The following SRGAP1 variants were observed in gnomAD, a reference collection of about 807,000 sequenced individuals.
SRGAP1 encodes the protein SLIT-ROBO Rho GTPase activating protein 1, also known as SLIT-ROBO Rho GTPase-activating protein 1.
Under a neutral mutation model 121.9 loss-of-function variants are expected in SRGAP1, and 43 were observed. The ratio of observed to expected loss-of-function variants is 0.35; its 90% CI spans 0.28 to 0.46. The LOEUF (loss-of-function observed/expected upper bound fraction) is 0.46, where lower values mean the gene tolerates loss of function less well. Ranked by LOEUF, SRGAP1 falls within the 20% of genes least tolerant of loss-of-function variation. The pLI, the probability that SRGAP1 is intolerant of heterozygous loss-of-function variation, is 1.00. For missense variants in SRGAP1, 1,102 were observed against 1,350.9 expected (o/e 0.82, Z 2.89); for synonymous variants, 447 against 485.4 (o/e 0.92, Z 1.04).
chr12:64,127,767 C>T, intron 20 of SRGAP1, 43 bp downstream of exon 20: 7 of 1,608,360 alleles, frequency 4.4e-6, no homozygotes, highest in Non-Finnish European at 6.0e-6. Flanking sequence ...CTCCGCTCCT[C>T]CTGGGGCCAT....
intron 1 of SRGAP1, among the ~76,000 whole-genome samples, chr12:63,938,032 C>T (rs769077913): frequency 1.1e-4 from 16 of 152,190 alleles, no homozygotes; most frequent in Non-Finnish European, 2.1e-4. Context: ...GGCACACTGT[C>T]TGTGTGGACT....
intron 21 of SRGAP1, 42 bp downstream of exon 21, chr12:64,128,242 G>A: frequency 1.3e-6 from 2 of 1,519,878 alleles, no homozygotes; most frequent in Non-Finnish European, 1.8e-6. Flanking sequence ...AAGTACCTAA[G>A]TGTGATGTAG....
At chr12:64,015,644 C>A (rs1207354820) in intron 3 of SRGAP1, among the ~76,000 whole-genome samples, 2 of 152,162 alleles carry the variant, frequency 1.3e-5, no homozygotes, top group Non-Finnish European at 2.9e-5. Context: ...GACCCAATGA[C>A]CTCATGTTTA....
At chr12:64,139,700 A>G (rs553917196) in intron 21 of SRGAP1, among the ~76,000 whole-genome samples, 2,357 of 151,242 alleles carry the variant, frequency 0.016, 71 homozygotes, top group African/African-American at 0.054. Flanking sequence ...TTGCCTGTTC[A>G]CTCTGATGGT....
intron 20 of SRGAP1, 23 bp downstream of exon 20, chr12:64,127,747 G>C: frequency 1.2e-6 from 2 of 1,612,490 alleles, no homozygotes; most frequent in Non-Finnish European, 1.7e-6. Context: ...TGGGAATCAG[G>C]CCCCTAAGCC....
intron 6 of SRGAP1, among the ~76,000 whole-genome samples, chr12:64,050,702 C>G (rs1323243015): frequency 1.3e-5 from 2 of 151,928 alleles, no homozygotes; most frequent in African/African-American, 4.8e-5. Context: ...ATTTTTTAAT[C>G]CAGGCAAGTT....
intron 15 of SRGAP1, among the ~76,000 whole-genome samples, chr12:64,099,483 T>C (rs1426752851): frequency 1.3e-5 from 2 of 152,188 alleles, no homozygotes; most frequent in African/African-American, 4.8e-5. Context: ...ACGAGTTCTT[T>C]GTCTGGCATC....
At chr12:63,925,631 C>G (rs185946394) in intron 1 of SRGAP1, among the ~76,000 whole-genome samples, 4 of 152,044 alleles carry the variant, frequency 2.6e-5, no homozygotes, top group Admixed American at 2.6e-4. Context: ...GTGTTAATAT[C>G]TAAAGTAGAA....
chr12:63,921,153 C>G (rs2031027177), intron 1 of SRGAP1, among the ~76,000 whole-genome samples: 1 of 152,168 alleles, frequency 6.6e-6, no homozygotes, highest in African/African-American at 2.4e-5. Context: ...CACCACCTGA[C>G]AGTTTACTTC....
intron 1 of SRGAP1, among the ~76,000 whole-genome samples, chr12:63,931,961 G>C (rs1291154528): frequency 1.3e-5 from 2 of 152,166 alleles, no homozygotes; most frequent in African/African-American, 4.8e-5. Context: ...GAGAAGGACA[G>C]ATTGTTGAAT....
At chr12:63,882,394 G>A (rs1900222906) in intron 1 of SRGAP1, among the ~76,000 whole-genome samples, 1 of 152,078 alleles carries the variant, frequency 6.6e-6, no homozygotes, top group Non-Finnish European at 1.5e-5. Flanking sequence ...CAATTCTCCT[G>A]CCTCAGCCTC....
chr12:64,095,551 C>G (rs543349935), intron 14 of SRGAP1, among the ~76,000 whole-genome samples: 31 of 152,200 alleles, frequency 2.0e-4, no homozygotes, highest in African/African-American at 6.7e-4. Context: ...TCCCTGCTGC[C>G]CAGCTCCTCC....
chr12:63,929,277 G>A (rs1177971878), intron 1 of SRGAP1, among the ~76,000 whole-genome samples: 3 of 152,222 alleles, frequency 2.0e-5, no homozygotes, highest in African/African-American at 7.2e-5. Context: ...AATTGCCTAA[G>A]TATCTGTTTC....
At chr12:64,114,331 C>CTTTTTT (rs957049187) in intron 17 of SRGAP1, among the ~76,000 whole-genome samples, 1 of 89,252 alleles carries the variant, frequency 1.1e-5, no homozygotes, top group Non-Finnish European at 2.2e-5. Context: ...ATATGGTTAG[C>CTTTTTT]TTTTTTTTTT....
intron 1 of SRGAP1, among the ~76,000 whole-genome samples, chr12:63,937,427 C>T (rs1343850631): frequency 6.6e-6 from 1 of 152,130 alleles, no homozygotes; most frequent in African/African-American, 2.4e-5. Flanking sequence ...ACCCCAAGAA[C>T]ATTTCTCTTT....
rs1592331084 is a variant in SRGAP1, at chr12:64,110,581, G to C, written c.1920-1181G>C. ...AGTAACATTTTTACATCAAGTTTCT[G>C]TTTGCAAGCCAGCACTAAAGACCCA... is the stretch of plus-strand genomic sequence containing the variant. On this transcript the variant is annotated intron_variant, in intron 16 of 21. Transcript: ENST00000355086. Among the ~76,000 whole-genome samples the C allele has an allele frequency of 2.6e-5, 4 of 152,162 alleles. No homozygotes were observed. In the South Asian group the frequency reaches 8.3e-4, roughly 32 times the overall value.
intron 4 of SRGAP1, among the ~76,000 whole-genome samples, chr12:64,037,710 A>C (rs1225738769): frequency 1.3e-5 from 2 of 152,194 alleles, no homozygotes; most frequent in African/African-American, 4.8e-5. Flanking sequence ...CTGCCTTATT[A>C]GAACTTTGCT....
At chr12:64,073,113 T>C (rs765412773) in intron 8 of SRGAP1, among the ~76,000 whole-genome samples, 1 of 152,192 alleles carries the variant, frequency 6.6e-6, no homozygotes, top group African/African-American at 2.4e-5. Context: ...CTGAGACTTA[T>C]TAATATGGCT....
chr12:63,988,009 G>A (rs549914321), intron 2 of SRGAP1, among the ~76,000 whole-genome samples: 2 of 152,334 alleles, frequency 1.3e-5, no homozygotes, highest in South Asian at 2.1e-4. Context: ...AGATCTCATA[G>A]CTAGTAAGGG....
Sources: allele counts gnomAD v4.1 joint callset (sites outside exome capture counted in the v4.1 genomes callset), GRCh38; gene constraint gnomAD v4.1.1; transcripts MANE v1.5; gene names NCBI Gene and HGNC (gene_info 2026-07-23, HGNC 2026-07-21).